The following SAMD12 variants were observed in gnomAD, a reference collection of about 807,000 sequenced individuals.
SAMD12 encodes the protein sterile alpha motif domain-containing protein 12.
In SAMD12, 9 loss-of-function variants were observed where a neutral mutation model predicts 15.0. That is an observed-to-expected ratio of 0.60 (90% CI 0.36 to 1.05). The LOEUF (loss-of-function observed/expected upper bound fraction) is 1.05. Ranked by LOEUF, SAMD12 falls within the 50% of genes least tolerant of loss-of-function variation. SAMD12 has a pLI of 0.01. For missense variants in SAMD12, 230 were observed against 234.2 expected, an observed-to-expected ratio of 0.98 and a Z score of 0.12; for synonymous variants, 86 against 90.1, an observed-to-expected ratio of 0.96 and a Z score of 0.25.
chr8:118,576,768 A>C (rs1472679959), intron 2 of SAMD12, among the ~76,000 whole-genome samples: 1 of 152,216 alleles, frequency 6.6e-6, no homozygotes, highest in African/African-American at 2.4e-5. Flanking sequence ...CTACAAGACT[A>C]GAAGGATATA....
chr8:118,514,937 C>A (rs1038208324), intron 2 of SAMD12, among the ~76,000 whole-genome samples: 1 of 152,108 alleles, frequency 6.6e-6, no homozygotes, highest in Non-Finnish European at 1.5e-5. Context: ...TTGGATCATG[C>A]GAACAAACTT....
chr8:118,185,707 T>A (rs1277614566), downstream of SAMD12, among the ~76,000 whole-genome samples: 2 of 152,200 alleles, frequency 1.3e-5, no homozygotes, highest in Non-Finnish European at 2.9e-5. Context: ...TAGAGAGATA[T>A]GAGCCTTGTC....
At chr8:118,209,258 G>A (rs1413679660) in intron 4 of SAMD12, among the ~76,000 whole-genome samples, 1 of 152,116 alleles carries the variant, frequency 6.6e-6, no homozygotes, top group Non-Finnish European at 1.5e-5. Context: ...AGCTCAAGTC[G>A]AGTTCCCCAA....
chr8:118,543,668 G>A (rs1826048246), intron 2 of SAMD12, among the ~76,000 whole-genome samples: 2 of 112,736 alleles, frequency 1.8e-5, no homozygotes, highest in South Asian at 5.3e-4. Flanking sequence ...GCTATCGTTA[G>A]CATTAGTGTA....
chr8:118,352,052 G>C (rs1260441458), intron 4 of SAMD12, among the ~76,000 whole-genome samples: 7 of 152,190 alleles, frequency 4.6e-5, no homozygotes, highest in Non-Finnish European at 8.8e-5. Context: ...CCTAACTTAC[G>C]AGTAGCAAAA....
intron 2 of SAMD12, among the ~76,000 whole-genome samples, chr8:118,559,817 C>A (rs1826654971): frequency 6.6e-6 from 1 of 152,056 alleles, no homozygotes. Context: ...GTATAGAAAT[C>A]TAATGGGGTG....
intron 4 of SAMD12, among the ~76,000 whole-genome samples, chr8:118,349,701 C>T (rs1230506786): frequency 2.0e-5 from 3 of 152,172 alleles, no homozygotes; most frequent in Non-Finnish European, 1.5e-5. Flanking sequence ...TTTATAGATC[C>T]TTCTACATTG....
intron 2 of SAMD12, among the ~76,000 whole-genome samples, chr8:118,487,262 T>C (rs1473841010): frequency 6.6e-6 from 1 of 152,204 alleles, no homozygotes; most frequent in Admixed American, 6.5e-5. Context: ...TTGTGTATTA[T>C]GTGGCACATA....
chr8:118,552,931 A>G (rs985820037), intron 2 of SAMD12, among the ~76,000 whole-genome samples: 27 of 152,004 alleles, frequency 1.8e-4, no homozygotes, highest in African/African-American at 6.5e-4. Flanking sequence ...CCCATTCACA[A>G]TTGCTTCAAA....
intron 1 of SAMD12, among the ~76,000 whole-genome samples, chr8:118,582,964 G>A (rs1827334810): frequency 4.6e-5 from 7 of 151,652 alleles, no homozygotes; most frequent in Admixed American, 3.3e-4. Flanking sequence ...CTGAACCTGG[G>A]TCCCTTTGTA....
the SAMD12 span, among the ~76,000 whole-genome samples, chr8:118,131,852 A>G: frequency 3.9e-5 from 6 of 152,222 alleles, no homozygotes; most frequent in African/African-American, 1.2e-4. Context: ...GACAAGTTTT[A>G]TTTATTGCTA....
chr8:118,193,040 C>G (rs567627799), exon 5 of SAMD12: 11 of 152,160 alleles, frequency 7.2e-5, no homozygotes, highest in Non-Finnish European at 1.6e-4. Flanking sequence ...ATAAAACTAG[C>G]CCTATGCCTG....
chr8:118,615,053 A>G (rs1828207701), intron 1 of SAMD12, among the ~76,000 whole-genome samples: 1 of 152,214 alleles, frequency 6.6e-6, no homozygotes, highest in Admixed American at 6.5e-5. Context: ...TAGAGCCCTT[A>G]GGAAAAGGAT....
chr8:118,346,415 T>A (rs961125146), intron 4 of SAMD12, among the ~76,000 whole-genome samples: 1 of 152,134 alleles, frequency 6.6e-6, no homozygotes, highest in African/African-American at 2.4e-5. Flanking sequence ...AATCTATGTG[T>A]CCCAGGCAGG....
At chr8:118,552,765 T>G (rs1456432279) in intron 2 of SAMD12, among the ~76,000 whole-genome samples, 2 of 152,216 alleles carry the variant, frequency 1.3e-5, no homozygotes, top group African/African-American at 4.8e-5. Context: ...ATGACATGAT[T>G]GTATCTCTAG....
chr8:118,138,218 A>G, the SAMD12 span, among the ~76,000 whole-genome samples: 1 of 151,582 alleles, frequency 6.6e-6, no homozygotes, highest in African/African-American at 2.4e-5. Flanking sequence ...AGTGACTCGA[A>G]GCGGGCTGAA....
At chr8:118,531,238 T>C (rs895544839) in intron 2 of SAMD12, among the ~76,000 whole-genome samples, 1 of 152,218 alleles carries the variant, frequency 6.6e-6, no homozygotes, top group African/African-American at 2.4e-5. Flanking sequence ...CAGATGGTTG[T>C]AGATATGTGG....
chr8:118,313,075 C>T (rs994101044), intron 4 of SAMD12, among the ~76,000 whole-genome samples: 15 of 152,106 alleles, frequency 9.9e-5, no homozygotes, highest in African/African-American at 3.1e-4. Context: ...TGGAGTTTTC[C>T]CTCCATCAAG....
At chr8:118,545,570 C>T (rs990434526) in intron 2 of SAMD12, among the ~76,000 whole-genome samples, 12 of 152,316 alleles carry the variant, frequency 7.9e-5, no homozygotes, top group Admixed American at 7.8e-4. Flanking sequence ...AGGGTATCTA[C>T]TTCTTCAAAA....
Sources: allele counts gnomAD v4.1 joint callset (sites outside exome capture counted in the v4.1 genomes callset), GRCh38; gene constraint gnomAD v4.1.1; transcripts MANE v1.5; gene names NCBI Gene and HGNC (gene_info 2026-07-23, HGNC 2026-07-21).